SLC26A7: variants seen among roughly 807,000 people sequenced by gnomAD.
SLC26A7 encodes anion exchange transporter.
Under a neutral mutation model 82.5 loss-of-function variants are expected in SLC26A7, and 59 were observed. The ratio of observed to expected loss-of-function variants is 0.72; its 90% CI spans 0.58 to 0.89. The LOEUF is 0.89. Ranked by LOEUF, SLC26A7 falls within the 40% of genes least tolerant of loss-of-function variation. The probability of loss-of-function intolerance (pLI) is 0.00; values close to 1 mark genes in which losing one functional copy is unlikely to be tolerated. For synonymous variants in SLC26A7, 271 were observed against 274.3 expected (o/e 0.99, Z 0.12); for missense variants, 820 against 793.0 (o/e 1.03, Z -0.41).
chr8:91,300,659 A>G (rs1282789789), intron 4 of SLC26A7, among the ~76,000 whole-genome samples: 1 of 152,126 alleles, frequency 6.6e-6, no homozygotes, highest in African/African-American at 2.4e-5. Context: ...GGCCTCCCAA[A>G]GTGCTGGGAT....
At chr8:91,369,720 GA>G (rs1814300501) in intron 14 of SLC26A7, 64 bp from the exon 15 acceptor site, 1 of 1,223,306 alleles carries the variant, frequency 8.2e-7, no homozygotes, top group Non-Finnish European at 1.1e-6. Context: ...AGAATTATGT[GA>G]TTTTTTTCAG....
chr8:91,213,107 G>T (rs1338647983), intron 1 of SLC26A7, among the ~76,000 whole-genome samples: 1 of 152,012 alleles, frequency 6.6e-6, no homozygotes, highest in Admixed American at 6.6e-5. Context: ...TCAAAATGTT[G>T]AAAATTCCTT....
intron 2 of SLC26A7, among the ~76,000 whole-genome samples, chr8:91,261,253 G>A (rs564782587): frequency 1.3e-4 from 20 of 152,180 alleles, no homozygotes; most frequent in African/African-American, 4.8e-4. Flanking sequence ...TATGTTCTTG[G>A]AAAGCGATAG....
At chr8:91,244,130 C>T (rs1810511007) in intron 2 of SLC26A7, among the ~76,000 whole-genome samples, 1 of 152,138 alleles carries the variant, frequency 6.6e-6, no homozygotes, top group Non-Finnish European at 1.5e-5. Flanking sequence ...AGGTGAATTT[C>T]CTAAATGTGT....
intron 2 of SLC26A7, among the ~76,000 whole-genome samples, chr8:91,281,002 A>G (rs1240981715): frequency 6.6e-6 from 1 of 152,164 alleles, no homozygotes; most frequent in Non-Finnish European, 1.5e-5. Flanking sequence ...TTTCTTCTGT[A>G]TAACTTCTGT....
intron 2 of SLC26A7, among the ~76,000 whole-genome samples, chr8:91,277,618 C>T (rs1482775105): frequency 6.6e-6 from 1 of 151,954 alleles, no homozygotes; most frequent in East Asian, 1.9e-4. Context: ...ATAATATGGC[C>T]CTATAACCAG....
chr8:91,334,212 T>C (rs999575248), intron 5 of SLC26A7, 83 bp from the exon 6 acceptor site: 8 of 1,271,058 alleles, frequency 6.3e-6, no homozygotes, highest in African/African-American at 1.5e-5. Flanking sequence ...TAAAACATCA[T>C]TGAGTTTATT....
intron 11 of SLC26A7, among the ~76,000 whole-genome samples, chr8:91,355,191 T>G (rs1813828591): frequency 6.6e-6 from 1 of 152,168 alleles, no homozygotes; most frequent in African/African-American, 2.4e-5. Flanking sequence ...CTTGTTTTTC[T>G]AAATGGATGC....
upstream of SLC26A7, among the ~76,000 whole-genome samples, chr8:91,246,624 T>C (rs550106908): frequency 6.6e-6 from 1 of 151,638 alleles, no homozygotes; most frequent in East Asian, 1.9e-4. Flanking sequence ...CGCTTGAACC[T>C]GGAAGGTGGA....
chr8:91,280,693 G>C (rs1019547336), intron 2 of SLC26A7, among the ~76,000 whole-genome samples: 1 of 151,770 alleles, frequency 6.6e-6, no homozygotes, highest in African/African-American at 2.4e-5. Context: ...TTTTTTCTCT[G>C]CATCTGGCAA....
chr8:91,355,180 G>T (rs999148353), intron 11 of SLC26A7, among the ~76,000 whole-genome samples: 1 of 152,046 alleles, frequency 6.6e-6, no homozygotes, highest in Admixed American at 6.6e-5. Context: ...TTTTAAGTAA[G>T]CTTGTTTTTC....
intron 13 of SLC26A7, among the ~76,000 whole-genome samples, chr8:91,365,892 C>G (rs986130007): frequency 3.3e-5 from 5 of 152,130 alleles, no homozygotes; most frequent in Admixed American, 1.3e-4. Flanking sequence ...TATTTCTAGG[C>G]CAGCCACTTG....
chr8:91,271,237 C>T (rs975894061), intron 2 of SLC26A7, among the ~76,000 whole-genome samples: 5 of 152,014 alleles, frequency 3.3e-5, no homozygotes, highest in Admixed American at 6.6e-5. Context: ...TCTGATTTGT[C>T]GTTTTTATAG....
At chr8:91,243,967 A>T (rs1015838728) in intron 2 of SLC26A7, among the ~76,000 whole-genome samples, 1 of 152,222 alleles carries the variant, frequency 6.6e-6, no homozygotes, top group East Asian at 1.9e-4. Context: ...AACTGAAGGA[A>T]CTTAGTATGT....
intron 2 of SLC26A7, among the ~76,000 whole-genome samples, chr8:91,219,513 T>A (rs1043624546): frequency 3.3e-5 from 5 of 152,192 alleles, no homozygotes; most frequent in Admixed American, 3.3e-4. Context: ...TGACTGTTTT[T>A]AATTTTTTTT....
At position 91,236,567 on chromosome 8, in the gene SLC26A7, TAAA is replaced by T. The variant is rs34866045; in HGVS notation, c.-33-13044_-33-13042del. ...ATAAATTCAATAACTTCTGTGCAGA[TAAA>T]AAAAAAACTCACAAATTTTATCCAG... On this transcript the variant is annotated intron_variant, in intron 2 of 5. Transcript: ENST00000522862. Among the ~76,000 whole-genome samples, 11 of 150,470 alleles carry T rather than the reference TAAA, an allele frequency of 7.3e-5. No individual in the cohort carries two copies. In the East Asian group the frequency reaches 1.8e-3, roughly 24 times the overall value.
At chr8:91,315,305 C>G (rs1007389398) in intron 4 of SLC26A7, among the ~76,000 whole-genome samples, 34 of 152,032 alleles carry the variant, frequency 2.2e-4, no homozygotes, top group Admixed American at 7.2e-4. Flanking sequence ...CAGTAATATG[C>G]TAATTTCATC....
intron 14 of SLC26A7, among the ~76,000 whole-genome samples, chr8:91,367,991 G>A (rs916496507): frequency 3.9e-5 from 6 of 152,184 alleles, no homozygotes; most frequent in African/African-American, 1.2e-4. Context: ...GATCAGATAC[G>A]TAATTTACAG....
chr8:91,368,412 GGTTTTTTTTTTT>G (rs1241189464), intron 14 of SLC26A7, among the ~76,000 whole-genome samples: 3 of 111,790 alleles, frequency 2.7e-5, no homozygotes, highest in Non-Finnish European at 5.6e-5. Flanking sequence ...TTTCAGATGA[GGTTTTTTTTTTT>G]GTTTTTTTTT....
Sources: allele counts gnomAD v4.1 joint callset (sites outside exome capture counted in the v4.1 genomes callset), GRCh38; gene constraint gnomAD v4.1.1; transcripts MANE v1.5; gene names NCBI Gene and HGNC (gene_info 2026-07-23, HGNC 2026-07-21).